FAM171B: variants seen among roughly 807,000 people sequenced by gnomAD.
FAM171B encodes the protein family with sequence similarity 171 member B, also known as protein FAM171B.
In FAM171B, 19 loss-of-function variants were observed where a neutral mutation model predicts 75.6. The observed-to-expected ratio is 0.25, with a 90% CI of 0.18 to 0.37. FAM171B has a LOEUF of 0.37. Ranked by LOEUF, FAM171B falls within the 10% of genes least tolerant of loss-of-function variation. FAM171B has a pLI of 1.00. For synonymous variants in FAM171B, 367 were observed against 361.7 expected (o/e 1.01, Z -0.17); for missense variants, 848 against 982.4 (o/e 0.86, Z 1.83).
At chr2:186,718,701 G>A (rs925543410) in intron 1 of FAM171B, among the ~76,000 whole-genome samples, 3 of 152,100 alleles carry the variant, frequency 2.0e-5, no homozygotes, top group East Asian at 1.9e-4. Flanking sequence ...CTGTTATGCC[G>A]TATACTCCTA....
intron 5 of FAM171B, among the ~76,000 whole-genome samples, chr2:186,752,120 T>C (rs1463504018): frequency 2.0e-5 from 3 of 152,176 alleles, no homozygotes; most frequent in Non-Finnish European, 4.4e-5. Context: ...AGAGATTTTC[T>C]TAGGAGCTAT....
chr2:186,743,704 T>C (rs2105787100), intron 3 of FAM171B, 129 bp downstream of exon 3: 1 of 623,010 alleles, frequency 1.6e-6, no homozygotes, highest in South Asian at 2.2e-5. Context: ...TAGCACTGAC[T>C]ATAAGTTGAT....
intron 3 of FAM171B, among the ~76,000 whole-genome samples, chr2:186,744,988 G>A (rs1011906104): frequency 4.0e-5 from 6 of 151,702 alleles, no homozygotes; most frequent in African/African-American, 4.8e-5. Context: ...GTACCACCAC[G>A]CCTGGCTAAT....
At chr2:186,761,353 T>A in intron 7 of FAM171B, 117 bp downstream of exon 7, 1 of 1,442,170 alleles carries the variant, frequency 6.9e-7, no homozygotes, top group Non-Finnish European at 9.3e-7. Context: ...ATATCCTTTT[T>A]TATTTTTAAT....
chr2:186,702,518 T>C (rs191095490), intron 1 of FAM171B, among the ~76,000 whole-genome samples: 2 of 152,334 alleles, frequency 1.3e-5, no homozygotes, highest in Admixed American at 1.3e-4. Context: ...CCAAGACATA[T>C]CAGATTCTGT....
At chr2:186,720,076 C>T (rs1239654398) in intron 1 of FAM171B, among the ~76,000 whole-genome samples, 5 of 152,180 alleles carry the variant, frequency 3.3e-5, no homozygotes, top group African/African-American at 4.8e-5. Flanking sequence ...CTCGCTCTGT[C>T]GCCCAGGCTG....
intron 3 of FAM171B, among the ~76,000 whole-genome samples, chr2:186,745,018 T>C: frequency 6.6e-6 from 1 of 151,884 alleles, no homozygotes; most frequent in East Asian, 1.9e-4. Context: ...TTCGTAGAGA[T>C]GGGGTTTCAC....
At chr2:186,724,452 C>T (rs1034016397) in intron 1 of FAM171B, among the ~76,000 whole-genome samples, 3 of 152,140 alleles carry the variant, frequency 2.0e-5, no homozygotes, top group African/African-American at 7.2e-5. Context: ...AGACACTTTG[C>T]CTGTGTCCCT....
At chr2:186,719,543 G>C (rs185241543) in intron 1 of FAM171B, among the ~76,000 whole-genome samples, 9 of 152,276 alleles carry the variant, frequency 5.9e-5, no homozygotes, top group African/African-American at 2.2e-4. Flanking sequence ...TCAAGAGACT[G>C]TTGTGAGAAA....
chr2:186,744,900 G>A (rs562932025), intron 3 of FAM171B, among the ~76,000 whole-genome samples: 13 of 143,962 alleles, frequency 9.0e-5, no homozygotes, highest in African/African-American at 2.4e-4. Flanking sequence ...GTGCAATCTC[G>A]GCTCACTGCA....
chr2:186,747,276 A>G (rs1188199479), intron 4 of FAM171B, 26 bp downstream of exon 4: 17 of 1,472,906 alleles, frequency 1.2e-5, no homozygotes, highest in South Asian at 5.6e-5. Flanking sequence ...TGTATAATAT[A>G]GTTATAAGAA....
intron 2 of FAM171B, among the ~76,000 whole-genome samples, chr2:186,741,597 G>A (rs569796467): frequency 6.6e-6 from 1 of 152,138 alleles, no homozygotes; most frequent in East Asian, 1.9e-4. Context: ...AATAATCTAA[G>A]ATTAGTACAC....
intron 1 of FAM171B, among the ~76,000 whole-genome samples, chr2:186,700,775 A>G (rs931499394): frequency 6.6e-6 from 1 of 152,196 alleles, no homozygotes; most frequent in Non-Finnish European, 1.5e-5. Flanking sequence ...GCCAACTGAT[A>G]CACTTTTGCG....
chr2:186,717,595 A>G (rs751207612), intron 1 of FAM171B, among the ~76,000 whole-genome samples: 2 of 152,086 alleles, frequency 1.3e-5, no homozygotes, highest in African/African-American at 2.4e-5. Flanking sequence ...CTTGTATTCC[A>G]TGCTCTAGTC....
rs1387587685 is a variant in FAM171B at position 186,751,285 on chromosome 2, G to A, written c.876G>A (p.Trp292Ter). Residue 292 changes from tryptophan to a stop codon, truncating the protein, a stop_gained, in exon 5 of 8, where the codon TGG becomes TGA. Transcript: ENST00000304698. LOFTEE classifies it high-confidence loss of function. ...DISAGDRIPA[W>*]TFDMNTGAWV... is the part of the protein sequence containing the mutation. ...GTGCAGGGGATCGCATACCTGCTTG[G>A]ACATTTGATATGAACACAGGTATGT... The A allele has an allele frequency of 1.3e-6, 2 of 1,594,722 alleles. No homozygotes were observed. The highest frequency in any genetic ancestry group is 1.7e-6 in the Non-Finnish European group (2 of 1,167,926).
At position 186,761,614 on chromosome 2, in the gene FAM171B, G is replaced by C. The variant is rs1385038336; in HGVS notation, c.1272G>C (p.Lys424Asn). 1 of 1,613,340 alleles carries C rather than the reference G, an allele frequency of 6.2e-7. No homozygotes were observed. The highest frequency in any genetic ancestry group is 8.5e-7 in the Non-Finnish European group (1 of 1,179,642). The change falls in exon 8 of 8, where the codon AAG becomes AAC. Residue 424 changes from lysine (K) to asparagine (N), a missense_variant. Around this residue, in one of 3 missense-constraint regions of FAM171B, gnomAD observed 665 missense variants for 729.0 expected, o/e 0.91. Transcript: ENST00000304698. ...AAGTTGCATTAAAAGCTGAGGACAA[G>C]TCGCAGTTATTCAATGCCAAAAACT... ...TVKVALKAED[K>N]SQLFNAKNSS... is the part of the protein sequence containing the mutation.
At chr2:186,703,781 G>C (rs1185578291) in intron 1 of FAM171B, among the ~76,000 whole-genome samples, 1 of 151,914 alleles carries the variant, frequency 6.6e-6, no homozygotes, top group African/African-American at 2.4e-5. Context: ...ACATTTGCAT[G>C]AGTAGGGTTT....
chr2:186,711,907 CTGTT>C lies in FAM171B; in HGVS notation c.238+17499_238+17502del, dbSNP rs1263441063. 3.3e-5 allele frequency among the ~76,000 whole-genome samples: 5 copies of C among 152,066 alleles called. No homozygotes were observed. In the East Asian group the frequency reaches 9.6e-4, roughly 29 times the overall value. ...TATCTAATTGTATCACTTATAATCT[CTGTT>C]TGGTGAGTCAATATTTGATAATAGG... is the stretch of plus-strand genomic sequence containing the variant. On this transcript the variant is annotated intron_variant, in intron 1 of 7. Transcript: ENST00000304698.
At chr2:186,702,772 A>C (rs1689681074) in intron 1 of FAM171B, among the ~76,000 whole-genome samples, 1 of 152,152 alleles carries the variant, frequency 6.6e-6, no homozygotes, top group South Asian at 2.1e-4. Context: ...AACATGCCTC[A>C]GTAATGTATT....
Sources: allele counts gnomAD v4.1 joint callset (sites outside exome capture counted in the v4.1 genomes callset), GRCh38; gene constraint gnomAD v4.1.1; regional missense constraint gnomAD v4.1.1; transcripts MANE v1.5; gene names NCBI Gene and HGNC (gene_info 2026-07-23, HGNC 2026-07-21).